TMEM266: variants seen among roughly 807,000 people sequenced by gnomAD.
The protein encoded by TMEM266 is transmembrane protein 266, also known as Hv1 related protein 1.
A neutral mutation model predicts 50.5 loss-of-function variants in TMEM266; 33 were observed. The observed-to-expected ratio is 0.65, with a 90% CI of 0.50 to 0.87. TMEM266 has a LOEUF of 0.87. TMEM266 is among the 40% of genes least tolerant of loss of function. TMEM266 has a pLI of 0.00. For missense variants in TMEM266, 655 were observed against 695.1 expected, an observed-to-expected ratio of 0.94 and a Z score of 0.65; for synonymous variants, 310 against 292.3, an observed-to-expected ratio of 1.06 and a Z score of -0.62.
intron 1 of TMEM266, among the ~76,000 whole-genome samples, chr15:76,084,031 G>A (rs1352869041): frequency 6.6e-6 from 1 of 152,192 alleles, no homozygotes; most frequent in Non-Finnish European, 1.5e-5. Context: ...GAGCAGCCGG[G>A]CGTGTGGTCG....
At chr15:76,060,646 A>G (rs537731890) in intron 1 of TMEM266, among the ~76,000 whole-genome samples, 3 of 152,198 alleles carry the variant, frequency 2.0e-5, no homozygotes, top group Admixed American at 6.5e-5. Flanking sequence ...CTTGCCAGGG[A>G]GGCTTAAACC....
chr15:76,087,390 T>A (rs1339655450), intron 1 of TMEM266, among the ~76,000 whole-genome samples: 1 of 152,196 alleles, frequency 6.6e-6, no homozygotes, highest in Non-Finnish European at 1.5e-5. Context: ...TAAGAAAATT[T>A]GGGGTTATAC....
chr15:76,171,252 G>C, intron 7 of TMEM266, 121 bp downstream of exon 7: 6 of 1,383,994 alleles, frequency 4.3e-6, no homozygotes, highest in Non-Finnish European at 5.8e-6. Flanking sequence ...AGGTGAAACT[G>C]TCGGCAGGGA....
intron 1 of TMEM266, among the ~76,000 whole-genome samples, chr15:76,060,558 G>C (rs1348943596): frequency 6.6e-6 from 1 of 152,204 alleles, no homozygotes; most frequent in Non-Finnish European, 1.5e-5. Flanking sequence ...TGGAAGGGAT[G>C]GTGGGTCTTC....
intron 3 of TMEM266, among the ~76,000 whole-genome samples, chr15:76,148,728 C>G (rs563889144): frequency 1.9e-4 from 1 of 5,318 alleles, no homozygotes; most frequent in Non-Finnish European, 4.2e-4. Flanking sequence ...CACCCCTTCA[C>G]CCCCCACCTG....
chr15:76,197,378 A>C (rs1326754768), intron 9 of TMEM266, among the ~76,000 whole-genome samples: 5 of 152,184 alleles, frequency 3.3e-5, no homozygotes. Context: ...TACTTCTGTG[A>C]TCAGGGCTGG....
chr15:76,099,522 G>T (rs1228854265), intron 1 of TMEM266, among the ~76,000 whole-genome samples: 1 of 152,180 alleles, frequency 6.6e-6, no homozygotes, highest in African/African-American at 2.4e-5. Context: ...TTCCTATTTG[G>T]CCATCTTGCC....
chr15:76,202,303 C>G lies in TMEM266; in HGVS notation c.1021+39C>G, dbSNP rs776431834. On this transcript the variant is annotated intron_variant, in intron 10 of 10. Coordinates refer to ENST00000388942, the MANE Select transcript of TMEM266 (RefSeq NM_152335.3). ...GGGGCTGTTCTACATGTGCCACAAC[C>G]CCAGCAATCCCTAAACCCAGAGACA... 22 of 1,557,346 alleles carry G rather than the reference C, an allele frequency of 1.4e-5. No homozygotes were observed. In the East Asian group the frequency reaches 4.3e-4, roughly 30 times the overall value.
intron 3 of TMEM266, among the ~76,000 whole-genome samples, chr15:76,142,911 C>T (rs1377722137): frequency 1.3e-5 from 2 of 152,314 alleles, no homozygotes; most frequent in South Asian, 2.1e-4. Flanking sequence ...TCTCCAGCCT[C>T]GACTTGATTC....
In TMEM266 at chr15:76,132,813, A is replaced by AAT. The variant is rs748559421; in HGVS notation, c.-96-1354_-96-1353dup. ...CTGTCTCTCAAATAATAATAATAGT[A>AAT]ATTATTATTATTATTATTATTATTA... is the stretch of plus-strand genomic sequence containing the variant. On this transcript the variant is annotated intron_variant, in intron 1 of 10. Transcript: ENST00000388942. 4.0e-3 allele frequency among the ~76,000 whole-genome samples: 537 copies of AAT among 135,020 alleles called. 6 individuals carry two copies. The highest frequency in any genetic ancestry group is 0.014 in the African/African-American group (515 of 36,692). The allele number at this position is 135,020 out of a possible 152,430, so 88.6% of individuals were successfully genotyped here.
At chr15:76,067,420 A>T (rs2036445070) in intron 1 of TMEM266, among the ~76,000 whole-genome samples, 1 of 151,946 alleles carries the variant, frequency 6.6e-6, no homozygotes, top group East Asian at 1.9e-4. Flanking sequence ...AGGAGGGCGG[A>T]TCACCTAAGG....
At position 76,175,613 on chromosome 15, in the gene TMEM266, A is replaced by G; in HGVS notation, c.707A>G (p.Lys236Arg). Residue 236 changes from lysine to arginine, a missense_variant, in exon 8 of 11, where the codon AAG becomes AGG. Physicochemically the swap from Lys to Arg is conservative, Grantham distance 26. This residue lies in a region of TMEM266 where 455 missense variants were observed against 401.8 expected (regional missense o/e 1.13). Transcript: ENST00000388942. ...GAGATGGTTATCCAGCAGTACGAGA[A>G]GGCCAAGGTCATCCAAGACGAGCAG... The G allele has an allele frequency of 6.2e-7, 1 of 1,614,216 alleles. No individual in the cohort carries two copies. The highest frequency in any genetic ancestry group is 1.6e-4 in the Middle Eastern group (1 of 6,062).
intron 1 of TMEM266, among the ~76,000 whole-genome samples, chr15:76,119,437 A>G (rs1396135006): frequency 6.6e-6 from 1 of 150,768 alleles, no homozygotes; most frequent in East Asian, 1.9e-4. Flanking sequence ...ATAGGGTCTC[A>G]GGGGGACTAG....
chr15:76,202,223 T>G lies in TMEM266; in HGVS notation c.980T>G (p.Met327Arg). The G allele has an allele frequency of 6.2e-7, 1 of 1,613,930 alleles. No homozygotes were observed. Among genetic ancestry groups the G allele is most frequent in the East Asian group, 2.2e-5 (1 of 44,864 alleles). Residue 327 changes from methionine to arginine, a missense_variant, in exon 10 of 11, where the codon ATG becomes AGG. Around this residue, in one of 3 missense-constraint regions of TMEM266, gnomAD observed 455 missense variants for 401.8 expected, o/e 1.13. Transcript: ENST00000388942. ...GTAGAAGCCACGATGAAGGACGACA[T>G]GAACAGCTACATCAGTCAGTATTAC...
chr15:76,173,977 C>G (rs1225457932), intron 7 of TMEM266, among the ~76,000 whole-genome samples: 1 of 151,484 alleles, frequency 6.6e-6, no homozygotes, highest in Non-Finnish European at 1.5e-5. Flanking sequence ...GGAAGGTGGT[C>G]CAAGACAGAT....
rs1334517108 is a variant in TMEM266, at chr15:76,147,896, G to A, written c.228-8708G>A. Among the ~76,000 whole-genome samples, 3 of 152,198 alleles carry A rather than the reference G, an allele frequency of 2.0e-5. No homozygotes were observed. The East Asian group carries it at 5.8e-4, about 29-fold the overall frequency. On this transcript the variant is annotated intron_variant, in intron 3 of 10. Coordinates refer to ENST00000388942, the MANE Select transcript of TMEM266 (RefSeq NM_152335.3). ...AAAAATTAGCCAGGCGTGGTGGTGC[G>A]CGCCAGTAGTCCCAGCTTCTCAGGA...
At chr15:76,114,642 C>A (rs1249337427) in intron 1 of TMEM266, among the ~76,000 whole-genome samples, 1 of 152,180 alleles carries the variant, frequency 6.6e-6, no homozygotes, top group Non-Finnish European at 1.5e-5. Flanking sequence ...TAGTGGACAT[C>A]TTTCCTTGCC....
At chr15:76,122,338 G>C (rs1342412545) in intron 1 of TMEM266, among the ~76,000 whole-genome samples, 5 of 152,162 alleles carry the variant, frequency 3.3e-5, no homozygotes, top group African/African-American at 1.2e-4. Flanking sequence ...CAGGTAAAAG[G>C]GTAATGAAAA....
At chr15:76,119,150 T>C (rs1235604774) in intron 1 of TMEM266, among the ~76,000 whole-genome samples, 2 of 152,168 alleles carry the variant, frequency 1.3e-5, no homozygotes, top group African/African-American at 4.8e-5. Flanking sequence ...GGCACTAGCC[T>C]ATATATTGAT....
Sources: gnomAD v4.1 joint callset for allele counts (sites outside exome capture counted in the v4.1 genomes callset) on GRCh38, gnomAD v4.1.1 for gene constraint, gnomAD v4.1.1 regional missense constraint, MANE v1.5 for transcripts, NCBI Gene and HGNC (gene_info 2026-07-23, HGNC 2026-07-21) for gene names.